Variants in ARFGEF1 observed in about 807,000 individuals in gnomAD.
ARFGEF1 encodes the protein brefeldin A-inhibited guanine nucleotide-exchange protein 1.
A neutral mutation model predicts 231.0 loss-of-function variants in ARFGEF1; 42 were observed. The ratio of observed to expected loss-of-function variants is 0.18; its 90% confidence interval spans 0.14 to 0.24. The LOEUF is 0.24. ARFGEF1 is among the 10% of genes least tolerant of loss of function. The pLI is 1.00. For missense variants in ARFGEF1, 1,345 were observed against 2,192.0 expected (o/e 0.61, Z 7.72); for synonymous variants, 710 against 732.3 (o/e 0.97, Z 0.49).
chr8:67,213,815 G>C (rs1231316387), intron 33 of ARFGEF1, among the ~76,000 whole-genome samples: 2 of 152,194 alleles, frequency 1.3e-5, no homozygotes, highest in African/African-American at 4.8e-5. Flanking sequence ...GCAGCCCAAG[G>C]CTTTCCAGCC....
intron 7 of ARFGEF1, among the ~76,000 whole-genome samples, chr8:67,282,279 C>A (rs567032056): frequency 6.6e-6 from 1 of 151,820 alleles, no homozygotes. Flanking sequence ...AAAAACAGAA[C>A]CATTTAGGAT....
At chr8:67,243,082 C>G (rs1182435407) in intron 19 of ARFGEF1, among the ~76,000 whole-genome samples, 1 of 152,204 alleles carries the variant, frequency 6.6e-6, no homozygotes, top group Admixed American at 6.5e-5. Flanking sequence ...TGCCTGGAAC[C>G]TGGGGGGTAA....
At chr8:67,194,985 A>AAAAAG (rs929325398), downstream of ARFGEF1, among the ~76,000 whole-genome samples, 2 of 151,768 alleles carry the variant, frequency 1.3e-5, no homozygotes, top group East Asian at 1.9e-4. Context: ...TAAAAAAAAT[A>AAAAAG]AAAAGAAAAA....
intron 5 of ARFGEF1, among the ~76,000 whole-genome samples, chr8:67,186,704 G>A (rs915117875): frequency 9.9e-5 from 15 of 152,102 alleles, no homozygotes; most frequent in Admixed American, 9.2e-4. Context: ...GGAAATAAAA[G>A]GTGTGATTGG....
At chr8:67,212,011 T>C (rs1312788303) in intron 33 of ARFGEF1, among the ~76,000 whole-genome samples, 2 of 152,042 alleles carry the variant, frequency 1.3e-5, no homozygotes, top group African/African-American at 4.8e-5. Flanking sequence ...TATCTAGGAG[T>C]GTCGTATCAT....
intron 34 of ARFGEF1, 149 bp from the exon 35 acceptor site, chr8:67,204,968 ACTC>A: frequency 1.1e-6 from 1 of 901,670 alleles, no homozygotes; most frequent in South Asian, 1.9e-5. Flanking sequence ...CACAGGCACT[ACTC>A]AGTAAAAGTT....
chr8:67,236,660 G>A (rs540518964), intron 22 of ARFGEF1, among the ~76,000 whole-genome samples: 3 of 152,008 alleles, frequency 2.0e-5, no homozygotes, highest in East Asian at 3.9e-4. Context: ...TCAAAATGGA[G>A]CATGGAGTCA....
At chr8:67,257,993 A>T in intron 16 of ARFGEF1, 92 bp downstream of exon 16, 1 of 1,244,910 alleles carries the variant, frequency 8.0e-7, no homozygotes. Flanking sequence ...TAAACAGGGG[A>T]TTAGGTCCTA....
At position 67,197,701 on chromosome 8, in the gene ARFGEF1, A is replaced by G; in HGVS notation, c.*1233T>C. ...AATAATTCAAAAACTTTATTGACCT[A>G]TAACCTGATTAGAATATGCCAGATG... On this transcript the variant is annotated 3_prime_UTR_variant, in exon 39 of 39. Transcript: ENST00000262215. 1.0e-6 allele frequency: 1 copy of G among 985,820 alleles called. No homozygotes were observed. Among genetic ancestry groups the G allele is most frequent in the Non-Finnish European group, 1.2e-6 (1 of 829,874 alleles). 61.1% of individuals were successfully genotyped at this position (985,820 alleles called of 1,614,324 possible).
chr8:67,301,478 T>C, intron 2 of ARFGEF1, 98 bp from the exon 3 acceptor site: 4 of 1,309,758 alleles, frequency 3.1e-6, no homozygotes, highest in Non-Finnish European at 3.1e-6. Context: ...AAAAGGAATC[T>C]TGCTAAACCA....
At chr8:67,193,728 C>T (rs1305880128), downstream of ARFGEF1, 1 of 715,422 alleles carries the variant, frequency 1.4e-6, no homozygotes, top group Non-Finnish European at 2.2e-6. Flanking sequence ...AGTTGTATGG[C>T]CCAAGACATA....
At chr8:67,306,461 T>C (rs1806750090) in intron 1 of ARFGEF1, among the ~76,000 whole-genome samples, 1 of 152,246 alleles carries the variant, frequency 6.6e-6, no homozygotes, top group African/African-American at 2.4e-5. Context: ...AGACTTTTTT[T>C]TTAAACTGAG....
intron 1 of ARFGEF1, among the ~76,000 whole-genome samples, chr8:67,337,440 T>G (rs1240461325): frequency 1.3e-5 from 2 of 152,088 alleles, no homozygotes; most frequent in Non-Finnish European, 2.9e-5. Flanking sequence ...ATATTCCAAA[T>G]GCACACAATT....
intron 1 of ARFGEF1, among the ~76,000 whole-genome samples, chr8:67,313,009 CAGAG>C (rs1807142545): frequency 6.6e-6 from 1 of 152,074 alleles, no homozygotes; most frequent in African/African-American, 2.4e-5. Flanking sequence ...CAACAAAAAA[CAGAG>C]GGAACAACAG....
intron 19 of ARFGEF1, 134 bp from the exon 20 acceptor site, chr8:67,240,424 C>CAT: frequency 1.2e-6 from 1 of 828,558 alleles, no homozygotes; most frequent in Non-Finnish European, 1.8e-6. Flanking sequence ...CTTTCTTAAA[C>CAT]AAAGGGGGAA....
chr8:67,222,269 A>AT lies in ARFGEF1; in HGVS notation c.4208+2633dup, dbSNP rs1174208098. On this transcript the variant is annotated intron_variant, in intron 29 of 38. Transcript: ENST00000262215. The stretch of plus-strand genomic sequence containing the variant: ...TATGTATGTATGTATGTATGTATGT[A>AT]TTTTTTTTTTTTTTGAGACAGAGTC... Among the ~76,000 whole-genome samples, 258 of 101,946 alleles carry AT rather than the reference A, an allele frequency of 2.5e-3. 1 individual carries two copies. Among genetic ancestry groups the AT allele is most frequent in the Non-Finnish European group, 3.7e-3 (185 of 49,538 alleles). 66.9% of individuals were successfully genotyped at this position (101,946 alleles called of 152,430 possible). A position where few individuals can be genotyped will look rare whatever the true frequency, so the allele number is the denominator to read the frequency against.
chr8:67,225,405 G>C (rs567355236), intron 28 of ARFGEF1, among the ~76,000 whole-genome samples: 1 of 152,100 alleles, frequency 6.6e-6, no homozygotes, highest in Non-Finnish European at 1.5e-5. Context: ...ATGAGTTGAC[G>C]TATCTAAAAA....
chr8:67,264,138 T>A (rs776991722), intron 14 of ARFGEF1, among the ~76,000 whole-genome samples: 1 of 151,908 alleles, frequency 6.6e-6, no homozygotes, highest in Non-Finnish European at 1.5e-5. Context: ...AGGGAAAAAA[T>A]AGACTTTCAT....
At chr8:67,257,030 A>G (rs528347028) in intron 17 of ARFGEF1, among the ~76,000 whole-genome samples, 1 of 152,162 alleles carries the variant, frequency 6.6e-6, no homozygotes, top group South Asian at 2.1e-4. Context: ...AAGGCAGGTA[A>G]TGGGTACATT....
Sources: allele counts gnomAD v4.1 joint callset (sites outside exome capture counted in the v4.1 genomes callset), GRCh38; gene constraint gnomAD v4.1.1; transcripts MANE v1.5; gene names NCBI Gene and HGNC (gene_info 2026-07-23, HGNC 2026-07-21).